Variants in PTPN13 observed in about 807,000 individuals in gnomAD.
PTPN13 encodes protein tyrosine phosphatase non-receptor type 13.
In PTPN13, 191 loss-of-function variants were observed where a neutral mutation model predicts 284.0. The ratio of observed to expected loss-of-function variants is 0.67; its 90% CI spans 0.60 to 0.76. The LOEUF (loss-of-function observed/expected upper bound fraction) is 0.76, where lower values mean the gene tolerates loss of function less well. Among genes scored for constraint, PTPN13 ranks in the 30% least tolerant of loss-of-function variants. PTPN13 has a pLI of 0.00. For missense variants in PTPN13, 2,797 were observed against 2,939.9 expected (o/e 0.95, Z 1.12); for synonymous variants, 986 against 1,022.3 (o/e 0.96, Z 0.68).
chr4:86,662,118 C>G (rs1404037246), intron 2 of PTPN13, among the ~76,000 whole-genome samples: 1 of 152,226 alleles, frequency 6.6e-6, no homozygotes, highest in East Asian at 1.9e-4. Flanking sequence ...GCTGTAAAAT[C>G]TACAGAGGCT....
At chr4:86,595,075 A>C (rs1763497478) in intron 1 of PTPN13, among the ~76,000 whole-genome samples, 1 of 152,118 alleles carries the variant, frequency 6.6e-6, no homozygotes, top group African/African-American at 2.4e-5. Context: ...TCGGGAATGA[A>C]ACCCACAGGG....
intron 17 of PTPN13, among the ~76,000 whole-genome samples, chr4:86,746,005 A>G (rs377381158): frequency 1.4e-4 from 21 of 152,316 alleles, no homozygotes; most frequent in African/African-American, 4.6e-4. Flanking sequence ...CACCCAGAAC[A>G]GGACAGTGAA....
chr4:86,739,299 A>C (rs1316245122), intron 15 of PTPN13, among the ~76,000 whole-genome samples: 2 of 152,176 alleles, frequency 1.3e-5, no homozygotes. Context: ...CCTTTGTCAC[A>C]CTGCTGATAA....
intron 27 of PTPN13, among the ~76,000 whole-genome samples, chr4:86,767,009 T>C (rs1270777877): frequency 6.6e-6 from 1 of 151,984 alleles, no homozygotes; most frequent in Non-Finnish European, 1.5e-5. Flanking sequence ...AACCTTGACT[T>C]CCCAGGCTCA....
At chr4:86,730,812 C>T (rs1734853230) in intron 10 of PTPN13, among the ~76,000 whole-genome samples, 1 of 152,100 alleles carries the variant, frequency 6.6e-6, no homozygotes, top group Admixed American at 6.5e-5. Flanking sequence ...TTGCTGCACC[C>T]ACTGTCCAAC....
chr4:86,662,699 C>T (rs760975049), intron 2 of PTPN13, among the ~76,000 whole-genome samples: 3 of 152,156 alleles, frequency 2.0e-5, no homozygotes, highest in Non-Finnish European at 2.9e-5. Flanking sequence ...AAATATTACA[C>T]ATACATAGAG....
intron 2 of PTPN13, among the ~76,000 whole-genome samples, chr4:86,637,036 G>A (rs1315684109): frequency 2.0e-5 from 3 of 152,114 alleles, no homozygotes; most frequent in Admixed American, 6.5e-5. Flanking sequence ...TACCATCAGA[G>A]AATACTACAA....
chr4:86,737,245 A>C (rs944020809), intron 15 of PTPN13, among the ~76,000 whole-genome samples: 14 of 151,642 alleles, frequency 9.2e-5, no homozygotes, highest in African/African-American at 3.1e-4. Context: ...CTCAAATAAA[A>C]TAAAATAAAA....
chr4:86,720,829 G>A (rs925083059), intron 9 of PTPN13, among the ~76,000 whole-genome samples: 3 of 152,158 alleles, frequency 2.0e-5, no homozygotes, highest in African/African-American at 7.2e-5. Context: ...ACCATAGTGG[G>A]ATGGGGGGAG....
At chr4:86,720,554 A>G (rs896126832) in intron 9 of PTPN13, among the ~76,000 whole-genome samples, 1 of 152,164 alleles carries the variant, frequency 6.6e-6, no homozygotes, top group Admixed American at 6.5e-5. Context: ...TCTTTTAACT[A>G]GTTCCATCTT....
chr4:86,809,643 A>T (rs1745015018), intron 45 of PTPN13, 126 bp from the exon 46 acceptor site: 1 of 810,232 alleles, frequency 1.2e-6, no homozygotes, highest in African/African-American at 1.7e-5. Context: ...GTGAGCCGAG[A>T]TTGCACCACT....
At chr4:86,622,119 T>G (rs1177522824) in intron 1 of PTPN13, among the ~76,000 whole-genome samples, 1 of 152,236 alleles carries the variant, frequency 6.6e-6, no homozygotes, top group Non-Finnish European at 1.5e-5. Flanking sequence ...TTTTCTTCCT[T>G]CTGAATTGCA....
chr4:86,641,114 A>G (rs1723731755), intron 2 of PTPN13, among the ~76,000 whole-genome samples: 1 of 152,300 alleles, frequency 6.6e-6, no homozygotes, highest in Non-Finnish European at 1.5e-5. Flanking sequence ...ATATTTGATC[A>G]CACAATATCT....
At chr4:86,793,007 C>G (rs1242716271) in intron 40 of PTPN13, among the ~76,000 whole-genome samples, 1 of 152,040 alleles carries the variant, frequency 6.6e-6, no homozygotes, top group African/African-American at 2.4e-5. Context: ...TCACACATAA[C>G]AATATTAACC....
intron 1 of PTPN13, among the ~76,000 whole-genome samples, chr4:86,602,481 A>G (rs1764380056): frequency 7.0e-6 from 1 of 142,734 alleles, no homozygotes; most frequent in African/African-American, 2.6e-5. Context: ...TTGATTTATA[A>G]CAGTTTTTTT....
At position 86,626,271 on chromosome 4, in the gene PTPN13, C is replaced by A. The variant is rs866441398; in HGVS notation, c.-5-8981C>A. On this transcript the variant is annotated intron_variant, in intron 1 of 47. Coordinates refer to ENST00000411767, the MANE Select transcript of PTPN13 (RefSeq NM_080683.3). ...ATAAGTAGTTGACATGAACCAGAGGCCCAGAAAGGCAATTTAGACTTGTGT... is the reference window on the plus strand; with the variant it reads ...ATAAGTAGTTGACATGAACCAGAGGACCAGAAAGGCAATTTAGACTTGTGT... 2.6e-5 allele frequency among the ~76,000 whole-genome samples: 4 copies of A among 152,164 alleles called. No homozygotes were observed. The East Asian group carries it at 5.8e-4, about 22-fold the overall frequency.
intron 15 of PTPN13, among the ~76,000 whole-genome samples, chr4:86,739,477 C>T (rs28785508): frequency 0.082 from 12,434 of 152,174 alleles, 647 homozygotes; most frequent in Non-Finnish European, 0.11. Context: ...CATCAGATCT[C>T]GTGAGACTTA....
At chr4:86,697,945 C>G (rs1730745574) in intron 6 of PTPN13, among the ~76,000 whole-genome samples, 1 of 150,254 alleles carries the variant, frequency 6.7e-6, no homozygotes, top group Admixed American at 6.6e-5. Flanking sequence ...ATTACAAAGA[C>G]TTTTTATATT....
intron 25 of PTPN13, 48 bp from the exon 26 acceptor site, chr4:86,765,347 G>A (rs1483433628): frequency 4.8e-6 from 7 of 1,464,278 alleles, no homozygotes; most frequent in Non-Finnish European, 9.3e-7. Context: ...GAAAGAGAGT[G>A]CAAAATTTTT....
Sources: gnomAD v4.1 joint callset for allele counts (sites outside exome capture counted in the v4.1 genomes callset) on GRCh38, gnomAD v4.1.1 for gene constraint, MANE v1.5 for transcripts, NCBI Gene and HGNC (gene_info 2026-07-23, HGNC 2026-07-21) for gene names.